The following IFRD1 variants were observed in gnomAD, a reference collection of about 807,000 sequenced individuals.
The protein encoded by IFRD1 is interferon related developmental regulator 1, also known as interferon-related developmental regulator 1.
A neutral mutation model predicts 52.9 loss-of-function variants in IFRD1; 35 were observed. That is an observed-to-expected ratio of 0.66 (90% CI 0.51 to 0.88). The LOEUF is 0.88. Among genes scored for constraint, IFRD1 ranks in the 40% least tolerant of loss-of-function variants. The pLI is 0.00. For missense variants in IFRD1, 517 were observed against 550.8 expected, an observed-to-expected ratio of 0.94 and a Z score of 0.61; for synonymous variants, 184 against 188.4, an observed-to-expected ratio of 0.98 and a Z score of 0.19.
rs74713407 is a variant in IFRD1, at chr7:112,461,666, G to A, written c.568-200G>A. ...TTAAAGTCATGCTGTGAATTTAGTAGCAGAGCTTGAGCTGAAACGCACTTC... is the reference window on the plus strand; with the variant it reads ...TTAAAGTCATGCTGTGAATTTAGTAACAGAGCTTGAGCTGAAACGCACTTC... On this transcript the variant is annotated intron_variant, in intron 5 of 11. Coordinates refer to ENST00000403825, the MANE Select transcript of IFRD1 (RefSeq NM_001550.4). 3.8e-3 allele frequency: 1,347 copies of A among 352,386 alleles called. 13 individuals are homozygous for A. Among genetic ancestry groups the A allele is most frequent in the African/African-American group, 0.027 (1,255 of 47,058 alleles). 21.8% of individuals were successfully genotyped at this position (352,386 alleles called of 1,614,324 possible). A position where few individuals can be genotyped will look rare whatever the true frequency, so the allele number is the denominator to read the frequency against.
In IFRD1 at chr7:112,475,745, C is replaced by G; in HGVS notation, c.*226C>G. ...GTATAAAGTATTTGTAATGTTTGGT[C>G]ATAATTTATTTATGAAGACAGCAAA... is the stretch of plus-strand genomic sequence containing the variant. On this transcript the variant is annotated 3_prime_UTR_variant, in exon 12 of 12. Coordinates refer to ENST00000403825, the MANE Select transcript of IFRD1 (RefSeq NM_001550.4). The G allele has an allele frequency of 2.1e-6, 1 of 465,560 alleles. No homozygotes were observed. The highest frequency in any genetic ancestry group is 3.8e-6 in the Non-Finnish European group (1 of 264,468). The allele number at this position is 465,560 out of a possible 1,614,324, so 28.8% of individuals were successfully genotyped here. A position where few individuals can be genotyped will look rare whatever the true frequency, so the allele number is the denominator to read the frequency against.
intron 1 of IFRD1, among the ~76,000 whole-genome samples, chr7:112,441,459 G>A (rs116256436): frequency 6.6e-6 from 1 of 150,740 alleles, no homozygotes; most frequent in Non-Finnish European, 1.5e-5. Flanking sequence ...AAAAAGTTCA[G>A]GATGTTCCCT....
rs917781967 is a variant in IFRD1, at chr7:112,436,079, C to T, written c.-182+12647C>T. ...TGTATTTTTAGTAGGGATGGGATTT[C>T]ACCATGTTGGCCAGGCTGGTCTCAA... On this transcript the variant is annotated intron_variant, in intron 1 of 12. Coordinates refer to the IFRD1 transcript ENST00000005558. 7.2e-5 allele frequency among the ~76,000 whole-genome samples: 11 copies of T among 152,014 alleles called. 1 individual carries two copies. In the South Asian group the frequency reaches 1.5e-3, roughly 20 times the overall value.
chr7:112,472,826 A>G lies in IFRD1; in HGVS notation c.1231A>G (p.Thr411Ala), dbSNP rs906002003. ...LGPPVMLDAA[T>A]LKTMKISRFE... Reference sequence around the variant, plus strand: ...ACCCCCAGTGATGCTTGATGCTGCAACGCTTAAAACGATGAAGATTTCTCG... The same window carrying G: ...ACCCCCAGTGATGCTTGATGCTGCAGCGCTTAAAACGATGAAGATTTCTCG... The change falls in exon 11 of 12, where the codon ACG (threonine) becomes GCG (alanine). Residue 411 changes from threonine (T) to alanine (A), a missense_variant. Thr to Ala is a moderately conservative substitution (Grantham distance 58, BLOSUM62 0). Coordinates refer to ENST00000403825, the MANE Select transcript of IFRD1 (RefSeq NM_001550.4). The G allele has an allele frequency of 5.6e-6, 9 of 1,613,546 alleles. No individual in the cohort carries two copies. The highest frequency in any genetic ancestry group is 1.3e-5 in the African/African-American group (1 of 75,032).
intron 1 of IFRD1, among the ~76,000 whole-genome samples, chr7:112,436,756 A>G (rs1024567263): frequency 2.6e-5 from 4 of 152,166 alleles, no homozygotes; most frequent in African/African-American, 9.7e-5. Context: ...ACCATTTATT[A>G]TATATGTGCC....
chr7:112,436,937 TTAGAG>T (rs1235329004), intron 1 of IFRD1, among the ~76,000 whole-genome samples: 3 of 152,164 alleles, frequency 2.0e-5, no homozygotes, highest in African/African-American at 7.2e-5. Flanking sequence ...GCAATCTTGC[TTAGAG>T]TATAGGAGAT....
chr7:112,443,557 G>T (rs1794946387), intron 1 of IFRD1, among the ~76,000 whole-genome samples: 1 of 150,310 alleles, frequency 6.7e-6, no homozygotes, highest in South Asian at 2.1e-4. Context: ...GATGACAGAG[G>T]GAGACCCATC....
chr7:112,428,251 T>C (rs903585488), intron 1 of IFRD1, among the ~76,000 whole-genome samples: 3 of 152,236 alleles, frequency 2.0e-5, no homozygotes, highest in Non-Finnish European at 1.5e-5. Context: ...TATAATACTA[T>C]GGAGGCTTGG....
intron 10 of IFRD1, among the ~76,000 whole-genome samples, chr7:112,472,550 G>A (rs1026957158): frequency 6.6e-6 from 1 of 152,068 alleles, no homozygotes; most frequent in African/African-American, 2.4e-5. Flanking sequence ...TTGGGTGGAC[G>A]GTTACTGATG....
Position 112,450,608 on chromosome 7 carries a change from A to G in IFRD1, c.-81A>G. ...GACTCGCCTCTCAGCCGCCCGCCGC[A>G]CAGACGCACGAGTAAAAAGTGCAGC... On this transcript the variant is annotated 5_prime_UTR_variant, in exon 1 of 12. Transcript: ENST00000403825. The G allele has an allele frequency of 2.6e-6, 3 of 1,141,874 alleles. No homozygotes were observed. The highest frequency in any genetic ancestry group is 1.7e-5 in the Admixed American group (1 of 57,836). The allele number at this position is 1,141,874 out of a possible 1,614,324, so 70.7% of individuals were successfully genotyped here.
chr7:112,445,366 G>T (rs541532245), intron 1 of IFRD1, among the ~76,000 whole-genome samples: 1 of 152,062 alleles, frequency 6.6e-6, no homozygotes, highest in African/African-American at 2.4e-5. Context: ...CCGCCCGGCC[G>T]GCCTAGGCTT....
chr7:112,461,600 G>T, intron 5 of IFRD1: 1 of 236,874 alleles, frequency 4.2e-6, no homozygotes, highest in Non-Finnish European at 8.0e-6. Flanking sequence ...TTGATTTTAT[G>T]GATCAATAAA....
At chr7:112,472,147 A>C (rs1795765061) in intron 9 of IFRD1, 72 bp from the exon 10 acceptor site, 1 of 1,479,914 alleles carries the variant, frequency 6.8e-7, no homozygotes, top group African/African-American at 1.4e-5. Flanking sequence ...GACTGTTTAG[A>C]AATTGTGTTT....
At chr7:112,452,167 T>C (rs1033726368) in intron 1 of IFRD1, 5 of 928,682 alleles carry the variant, frequency 5.4e-6, no homozygotes, top group African/African-American at 3.6e-5. Flanking sequence ...TTTTTTTTTT[T>C]TGTTAAGGGA....
intron 1 of IFRD1, among the ~76,000 whole-genome samples, chr7:112,453,810 G>A (rs1298313102): frequency 3.9e-5 from 6 of 151,926 alleles, no homozygotes; most frequent in Admixed American, 3.9e-4. Context: ...CTTGCTTGCT[G>A]TGTTAATTTA....
chr7:112,429,859 T>G (rs915814692), intron 1 of IFRD1, among the ~76,000 whole-genome samples: 2 of 152,232 alleles, frequency 1.3e-5, no homozygotes, highest in Non-Finnish European at 2.9e-5. Flanking sequence ...GTTTTTCTTA[T>G]AAGAGCATAA....
At chr7:112,443,995 A>G (rs1794960845) in intron 1 of IFRD1, among the ~76,000 whole-genome samples, 1 of 152,228 alleles carries the variant, frequency 6.6e-6, no homozygotes, top group Admixed American at 6.5e-5. Flanking sequence ...TATGTTTGGT[A>G]TGAAGAGTCA....
chr7:112,467,803 G>T, intron 8 of IFRD1, 178 bp from the exon 9 acceptor site: 2 of 635,038 alleles, frequency 3.1e-6, no homozygotes, highest in East Asian at 2.9e-5. Flanking sequence ...GCATTTCTGG[G>T]TTCGATTTTT....
At chr7:112,458,728 A>C in intron 4 of IFRD1, 133 bp from the exon 5 acceptor site, 2 of 792,844 alleles carry the variant, frequency 2.5e-6, no homozygotes, top group Non-Finnish European at 4.2e-6. Context: ...TGTAACTTAC[A>C]TCAAAGCCTG....
Sources: gnomAD v4.1 joint callset for allele counts (sites outside exome capture counted in the v4.1 genomes callset) on GRCh38, gnomAD v4.1.1 for gene constraint, MANE v1.5 for transcripts, NCBI Gene and HGNC (gene_info 2026-07-23, HGNC 2026-07-21) for gene names.